Variants in EGFLAM observed in about 807,000 individuals in gnomAD.
The protein encoded by EGFLAM is EGF like, fibronectin type III and laminin G domains, also known as pikachurin.
EGFLAM carries 79 observed loss-of-function variants against 113.1 expected under a neutral mutation model. The observed-to-expected ratio is 0.70, with a 90% CI of 0.58 to 0.84. The LOEUF (loss-of-function observed/expected upper bound fraction) is 0.84, where lower values mean the gene tolerates loss of function less well. Ranked by LOEUF, EGFLAM falls within the 40% of genes least tolerant of loss-of-function variation. The pLI, the probability that EGFLAM is intolerant of heterozygous loss-of-function variation, is 0.00. For synonymous variants in EGFLAM, 504 were observed against 487.6 expected (o/e 1.03, Z -0.44); for missense variants, 1,265 against 1,291.6 (o/e 0.98, Z 0.32).
intron 10 of EGFLAM, among the ~76,000 whole-genome samples, chr5:38,412,006 G>T (rs1741495712): frequency 1.3e-5 from 2 of 152,050 alleles, no homozygotes; most frequent in African/African-American, 4.8e-5. Flanking sequence ...CACCATGTTG[G>T]TCAGGCTGGT....
At chr5:38,437,608 A>G (rs991243934) in intron 16 of EGFLAM, among the ~76,000 whole-genome samples, 19 of 152,126 alleles carry the variant, frequency 1.2e-4, no homozygotes, top group South Asian at 4.1e-4. Flanking sequence ...TTCTGGTTCA[A>G]TGGGTCTGGG....
chr5:38,258,583 T>A lies in EGFLAM; in HGVS notation c.-172T>A. ...CACTCGCGCACGCCGACCTCCCGGC[T>A]GCAGTCCTACCTCTTGGAACTACCC... On this transcript the variant is annotated 5_prime_UTR_variant, in exon 1 of 22. Transcript: ENST00000322350. 1.5e-6 allele frequency: 1 copy of A among 674,074 alleles called. No individual in the cohort carries two copies. Among genetic ancestry groups the A allele is most frequent in the Non-Finnish European group, 2.5e-6 (1 of 395,498 alleles). The allele number at this position is 674,074 out of a possible 1,614,324, so 41.8% of individuals were successfully genotyped here.
intron 17 of EGFLAM, among the ~76,000 whole-genome samples, chr5:38,441,342 G>A (rs1742525866): frequency 6.6e-6 from 1 of 152,054 alleles, no homozygotes; most frequent in Non-Finnish European, 1.5e-5. Context: ...TCAGTTTCAG[G>A]CATCTTCTCC....
At chr5:38,275,431 GA>G (rs1490624166) in intron 1 of EGFLAM, among the ~76,000 whole-genome samples, 3 of 152,082 alleles carry the variant, frequency 2.0e-5, no homozygotes, top group Non-Finnish European at 2.9e-5. Context: ...GCTTATATCA[GA>G]TAAAATAGAC....
chr5:38,263,027 A>G (rs536527961), intron 1 of EGFLAM, among the ~76,000 whole-genome samples: 1 of 152,336 alleles, frequency 6.6e-6, no homozygotes, highest in South Asian at 2.1e-4. Context: ...ATTCTATTCT[A>G]ATAAGCATGT....
At chr5:38,415,375 A>G (rs898313747) in intron 11 of EGFLAM, among the ~76,000 whole-genome samples, 2 of 151,738 alleles carry the variant, frequency 1.3e-5, no homozygotes, top group African/African-American at 2.4e-5. Context: ...AAAAAAAAAA[A>G]GAAAAGAATT....
At chr5:38,391,555 CG>C (rs2112088223) in intron 6 of EGFLAM, among the ~76,000 whole-genome samples, 1 of 151,308 alleles carries the variant, frequency 6.6e-6, no homozygotes, top group East Asian at 2.0e-4. Flanking sequence ...CCTACTACCA[CG>C]TCTGGCTGAT....
At position 38,359,698 on chromosome 5, in the gene EGFLAM, T is replaced by C. The variant is rs149823892; in HGVS notation, c.545+7367T>C. ...AAACACACACACACAAAGTCTACTA[T>C]TGGCTTATTTTGGGTACATGTGAAA... On this transcript the variant is annotated intron_variant, in intron 5 of 21. Transcript: ENST00000322350. Among the ~76,000 whole-genome samples, 9 of 152,304 alleles carry C rather than the reference T, an allele frequency of 5.9e-5. No individual in the cohort carries two copies. The East Asian group carries it at 1.7e-3, about 29-fold the overall frequency.
chr5:38,409,856 G>A (rs924138912), intron 10 of EGFLAM, among the ~76,000 whole-genome samples: 1 of 152,132 alleles, frequency 6.6e-6, no homozygotes, highest in Non-Finnish European at 1.5e-5. Context: ...GCTTATGTGT[G>A]GTCTTCCTGG....
At chr5:38,356,941 T>C (rs1406517852) in intron 5 of EGFLAM, among the ~76,000 whole-genome samples, 1 of 152,126 alleles carries the variant, frequency 6.6e-6, no homozygotes, top group Non-Finnish European at 1.5e-5. Flanking sequence ...GGATGAGGTC[T>C]TTGGAACGTG....
rs1742192731 is a variant in EGFLAM at position 38,431,662 on chromosome 5, A to T, written c.2166+374A>T. Among the ~76,000 whole-genome samples the T allele has an allele frequency of 2.0e-5, 3 of 152,286 alleles. No individual in the cohort carries two copies. The South Asian group carries it at 6.2e-4, about 32-fold the overall frequency. The stretch of plus-strand genomic sequence containing the variant: ...CTGTGGTGCATGGGGGAGGCCTGAC[A>T]AGAACAGGCTGTAAGTCCAGACTCC... On this transcript the variant is annotated intron_variant, in intron 15 of 21. Coordinates refer to ENST00000322350, the MANE Select transcript of EGFLAM (RefSeq NM_152403.4).
chr5:38,398,297 A>G (rs1302078669), intron 6 of EGFLAM, among the ~76,000 whole-genome samples: 2 of 152,234 alleles, frequency 1.3e-5, no homozygotes, highest in Non-Finnish European at 2.9e-5. Context: ...AGTTTCTAAA[A>G]TGTGTCAGGA....
intron 6 of EGFLAM, among the ~76,000 whole-genome samples, chr5:38,392,469 T>C (rs1740837775): frequency 6.6e-6 from 1 of 152,230 alleles, no homozygotes; most frequent in African/African-American, 2.4e-5. Flanking sequence ...TCTGGGTCTA[T>C]ACCCACTAAT....
chr5:38,389,161 A>T (rs921621905), intron 6 of EGFLAM, among the ~76,000 whole-genome samples: 1 of 152,196 alleles, frequency 6.6e-6, no homozygotes, highest in East Asian at 1.9e-4. Flanking sequence ...AGTGAATGGC[A>T]TTTCTACAGG....
At chr5:38,386,312 C>T (rs1406970809) in intron 6 of EGFLAM, among the ~76,000 whole-genome samples, 1 of 151,548 alleles carries the variant, frequency 6.6e-6, no homozygotes, top group Non-Finnish European at 1.5e-5. Context: ...TGTCTCCTGC[C>T]TCTCCCAAGT....
intron 6 of EGFLAM, among the ~76,000 whole-genome samples, chr5:38,397,871 G>T (rs1741003374): frequency 6.6e-6 from 1 of 152,222 alleles, no homozygotes; most frequent in Non-Finnish European, 1.5e-5. Flanking sequence ...AGAGAGGAGG[G>T]AGCTGAGGTT....
intron 1 of EGFLAM, among the ~76,000 whole-genome samples, chr5:38,306,539 G>A (rs1373660119): frequency 6.6e-6 from 1 of 152,164 alleles, no homozygotes; most frequent in African/African-American, 2.4e-5. Flanking sequence ...GCAGCTATTG[G>A]TGCTATTCTA....
At chr5:38,325,772 A>G (rs1738863480) in intron 1 of EGFLAM, among the ~76,000 whole-genome samples, 1 of 152,202 alleles carries the variant, frequency 6.6e-6, no homozygotes, top group African/African-American at 2.4e-5. Context: ...AAAAGTACAT[A>G]CTTCATGAGG....
chr5:38,306,581 C>T (rs1205777479), intron 1 of EGFLAM, among the ~76,000 whole-genome samples: 2 of 152,132 alleles, frequency 1.3e-5, no homozygotes, highest in African/African-American at 4.8e-5. Context: ...TCATGTAACC[C>T]TAATTTATTG....
Sources: allele counts gnomAD v4.1 joint callset (sites outside exome capture counted in the v4.1 genomes callset), GRCh38; gene constraint gnomAD v4.1.1; transcripts MANE v1.5; gene names NCBI Gene and HGNC (gene_info 2026-07-23, HGNC 2026-07-21).